The following CD44 variants were observed in gnomAD, a reference collection of about 807,000 sequenced individuals.
The protein encoded by CD44 is CD44 molecule (IN blood group).
A neutral mutation model predicts 88.8 loss-of-function variants in CD44; 49 were observed. The observed-to-expected ratio is 0.55, with a 90% CI of 0.44 to 0.70. The LOEUF is 0.70. Ranked by LOEUF, CD44 falls within the 30% of genes least tolerant of loss-of-function variation. The pLI is 0.00. For synonymous variants in CD44, 325 were observed against 312.3 expected (o/e 1.04, Z -0.43); for missense variants, 883 against 913.8 (o/e 0.97, Z 0.43).
At chr11:35,165,488 T>A (rs559146200) in intron 1 of CD44, among the ~76,000 whole-genome samples, 1 of 152,316 alleles carries the variant, frequency 6.6e-6, no homozygotes, top group Non-Finnish European at 1.5e-5. Context: ...GTGAAAGTGC[T>A]TTATAATTGG....
rs759107230 is a variant in CD44 at position 35,221,748 on chromosome 11, G to A, written c.2024+16G>A. On this transcript the variant is annotated intron_variant, in intron 17 of 17. Transcript: ENST00000428726. ...GTCGAAGAAGGTAAGGGGCTGTCCT[G>A]GGGGCTTTCAACTTGGAAAGGGCAT... is the stretch of plus-strand genomic sequence containing the variant. 21 of 1,610,160 alleles carry A rather than the reference G, an allele frequency of 1.3e-5. No individual in the cohort carries two copies. In the East Asian group the frequency reaches 4.7e-4, roughly 36 times the overall value.
chr11:35,220,121 G>A (rs1394807417), intron 16 of CD44, among the ~76,000 whole-genome samples: 1 of 152,140 alleles, frequency 6.6e-6, no homozygotes, highest in African/African-American at 2.4e-5. Context: ...GCCTCTCTTG[G>A]GGAAAGAGAA....
intron 1 of CD44, among the ~76,000 whole-genome samples, chr11:35,159,336 T>G (rs1008200915): frequency 6.6e-6 from 1 of 152,230 alleles, no homozygotes; most frequent in Admixed American, 6.5e-5. Context: ...TGAGTAAGGC[T>G]TTTGCACCTT....
At chr11:35,190,370 T>C in intron 5 of CD44, 1 of 415,226 alleles carries the variant, frequency 2.4e-6, no homozygotes, top group Admixed American at 4.0e-5. Context: ...CAGTAACAAT[T>C]CAAGCCTGAT....
At chr11:35,211,105 A>G in intron 13 of CD44, 141 bp from the exon 14 acceptor site, 1 of 656,656 alleles carries the variant, frequency 1.5e-6, no homozygotes, top group Non-Finnish European at 2.8e-6. Context: ...GTTCAATAGT[A>G]TGACAAACTT....
chr11:35,201,864 T>G, intron 9 of CD44, 77 bp downstream of exon 9: 1 of 1,491,076 alleles, frequency 6.7e-7, no homozygotes, highest in Non-Finnish European at 9.2e-7. Flanking sequence ...AGATTTTGTT[T>G]AGAAATTGGC....
intron 1 of CD44, among the ~76,000 whole-genome samples, chr11:35,160,974 A>T (rs767366085): frequency 6.6e-6 from 1 of 152,140 alleles, no homozygotes; most frequent in Non-Finnish European, 1.5e-5. Context: ...AACACATGTA[A>T]TGTAGAGTGA....
chr11:35,178,478 C>T (rs1279598810), intron 2 of CD44, among the ~76,000 whole-genome samples: 9 of 152,206 alleles, frequency 5.9e-5, no homozygotes. Context: ...TCTGGTTCTG[C>T]TTAGCCTCAG....
At chr11:35,181,926 T>TATAAA (rs10675782) in intron 3 of CD44, among the ~76,000 whole-genome samples, 13 of 44,430 alleles carry the variant, frequency 2.9e-4, no homozygotes, top group South Asian at 5.1e-4. Context: ...ATATATTATA[T>TATAAA]TATATATAAA....
At chr11:35,221,788 C>T (rs1041030963) in intron 17 of CD44, 56 bp downstream of exon 17, 1 of 1,435,976 alleles carries the variant, frequency 7.0e-7, no homozygotes, top group Non-Finnish European at 9.8e-7. Flanking sequence ...TAAACCTGGG[C>T]TTTATATCCT....
At chr11:35,215,475 A>T (rs892744413) in intron 15 of CD44, among the ~76,000 whole-genome samples, 1 of 152,254 alleles carries the variant, frequency 6.6e-6, no homozygotes, top group Admixed American at 6.5e-5. Flanking sequence ...ATCCTGGCAC[A>T]TGATATCATC....
At chr11:35,146,620 A>T (rs1382150960) in intron 1 of CD44, among the ~76,000 whole-genome samples, 1 of 152,252 alleles carries the variant, frequency 6.6e-6, no homozygotes, top group Non-Finnish European at 1.5e-5. Flanking sequence ...AAACTGAGGC[A>T]CAGAGAATTT....
chr11:35,204,284 AC>A (rs1947602515), intron 9 of CD44, among the ~76,000 whole-genome samples: 1 of 152,212 alleles, frequency 6.6e-6, no homozygotes, highest in African/African-American at 2.4e-5. Flanking sequence ...ATGATTTTGA[AC>A]AAATCAAAAC....
At position 35,211,352 on chromosome 11, in the gene CD44, G is replaced by A. The variant is rs890748180; in HGVS notation, c.1713G>A (p.Arg571=). Residue 571 remains arginine, a synonymous_variant, in exon 14 of 18, where the codon AGG becomes AGA. Transcript: ENST00000428726. ...ATTACCCACACACGAAGGAAAGCAG[G>A]ACCTTCATCCCAGTGACCTCAGCTA... The part of the protein sequence containing the change: ...TSHYPHTKES[R]TFIPVTSAKT... 1 of 1,613,886 alleles carries A rather than the reference G, an allele frequency of 6.2e-7. No homozygotes were observed. Among genetic ancestry groups the A allele is most frequent in the Non-Finnish European group, 8.5e-7 (1 of 1,179,852 alleles).
chr11:35,144,659 C>T (rs1343709129), intron 1 of CD44, among the ~76,000 whole-genome samples: 3 of 152,112 alleles, frequency 2.0e-5, no homozygotes, highest in African/African-American at 4.8e-5. Flanking sequence ...TGGAGTCTGG[C>T]CAGGCATGGA....
intron 5 of CD44, among the ~76,000 whole-genome samples, chr11:35,193,528 T>C (rs1024881891): frequency 2.0e-5 from 3 of 152,344 alleles, no homozygotes; most frequent in South Asian, 4.1e-4. Context: ...TGTGTATATG[T>C]AGCATCACTT....
At chr11:35,224,976 C>T (rs1443628357) in intron 17 of CD44, among the ~76,000 whole-genome samples, 1 of 152,162 alleles carries the variant, frequency 6.6e-6, no homozygotes, top group Non-Finnish European at 1.5e-5. Flanking sequence ...TACAGTCTAG[C>T]TCCTGCAATC....
At position 35,201,784 on chromosome 11, in the gene CD44, A is replaced by C; in HGVS notation, c.1150A>C (p.Thr384Pro). ...AGAAGAGACCCCACATTCTACAAGCACAAGTAAGCAAGATGGCGGTCGGCA... is the reference window on the plus strand; with the variant it reads ...AGAAGAGACCCCACATTCTACAAGCCCAAGTAAGCAAGATGGCGGTCGGCA... ...EEEETPHSTS[T>P]IQATPSSTTE... Residue 384 changes from threonine to proline, a missense_variant, in exon 9 of 18, where the codon ACA becomes CCA. Transcript: ENST00000428726. The C allele has an allele frequency of 6.2e-7, 1 of 1,613,590 alleles. No individual in the cohort carries two copies.
intron 14 of CD44, chr11:35,213,469 G>A (rs1483470668): frequency 6.6e-6 from 1 of 152,240 alleles, no homozygotes. Flanking sequence ...TGGCCAACAT[G>A]GCGAAACCTC....
Sources: gnomAD v4.1 joint callset for allele counts (sites outside exome capture counted in the v4.1 genomes callset) on GRCh38, gnomAD v4.1.1 for gene constraint, MANE v1.5 for transcripts, NCBI Gene and HGNC (gene_info 2026-07-23, HGNC 2026-07-21) for gene names.